Variants in SCUBE1 observed in about 807,000 individuals in gnomAD.
SCUBE1 encodes signal peptide, CUB and EGF-like domain-containing protein 1.
In SCUBE1, 59 loss-of-function variants were observed where a neutral mutation model predicts 124.4. The observed-to-expected ratio is 0.47, with a 90% confidence interval of 0.38 to 0.59. SCUBE1 has a LOEUF of 0.59. SCUBE1 is among the 20% of genes least tolerant of loss of function. The pLI is 0.00. For synonymous variants in SCUBE1, 545 were observed against 550.9 expected (o/e 0.99, Z 0.15); for missense variants, 1,150 against 1,371.2 (o/e 0.84, Z 2.55).
chr22:43,231,654 G>A (rs1922556719), intron 8 of SCUBE1, 99 bp downstream of exon 8: 5 of 1,435,366 alleles, frequency 3.5e-6, no homozygotes, highest in South Asian at 2.5e-5. Flanking sequence ...AGCCCCATCC[G>A]CATTCCCCTC....
chr22:43,241,976 T>C (rs1259823594), intron 6 of SCUBE1, among the ~76,000 whole-genome samples: 2 of 152,230 alleles, frequency 1.3e-5, no homozygotes, highest in African/African-American at 2.4e-5. Flanking sequence ...TGCAGCCTCT[T>C]GCCTGGGGCT....
intron 7 of SCUBE1, among the ~76,000 whole-genome samples, chr22:43,236,226 C>T (rs1922756382): frequency 6.6e-6 from 1 of 152,174 alleles, no homozygotes; most frequent in South Asian, 2.1e-4. Context: ...CTGTGCCTCT[C>T]CAGCCAGGGC....
At chr22:43,290,265 CCTCTCCTCCAAGCACATGTGTCCTGGCT>C (rs1295053464) in intron 4 of SCUBE1, among the ~76,000 whole-genome samples, 23 of 149,486 alleles carry the variant, frequency 1.5e-4, no homozygotes, top group Admixed American at 8.6e-4. Flanking sequence ...GTGTCCTGGC[CCTCTCCTCCAAGCACATGTGTCCTGGCT>C]CTCTCCTCCA....
chr22:43,228,996 G>T, intron 9 of SCUBE1, 76 bp downstream of exon 9: 1 of 1,032,058 alleles, frequency 9.7e-7, no homozygotes, highest in East Asian at 2.6e-5. Context: ...GTTGGGATGC[G>T]GGGTGCAGTG....
rs558474815 is a variant in SCUBE1, at chr22:43,278,141, G to A, written c.484+12905C>T. ...TAAAAAATAATGGGCTGGATTTATT[G>A]TCCCCACCTTGAGGGCCATTCCGGA... On this transcript the variant is annotated intron_variant, in intron 4 of 21. Coordinates refer to ENST00000360835, the MANE Select transcript of SCUBE1 (RefSeq NM_173050.5). Among the ~76,000 whole-genome samples, 3 of 152,350 alleles carry A rather than the reference G, an allele frequency of 2.0e-5. No homozygotes were observed. The South Asian group carries it at 6.2e-4, about 32-fold the overall frequency.
chr22:43,340,042 G>A (rs139079965), intron 1 of SCUBE1, among the ~76,000 whole-genome samples: 1 of 145,348 alleles, frequency 6.9e-6, no homozygotes, highest in Middle Eastern at 3.7e-3. Context: ...CCTTGGAGGA[G>A]TTTAAATCTA....
intron 3 of SCUBE1, among the ~76,000 whole-genome samples, chr22:43,309,686 G>C (rs193151267): frequency 2.6e-5 from 4 of 151,992 alleles, no homozygotes; most frequent in Non-Finnish European, 5.9e-5. Context: ...AGACACCTGA[G>C]TCCTGTACCT....
intron 4 of SCUBE1, among the ~76,000 whole-genome samples, chr22:43,274,049 G>A (rs1569005642): frequency 1.3e-5 from 2 of 151,806 alleles, no homozygotes; most frequent in South Asian, 4.2e-4. Context: ...CCTCTCCCTT[G>A]ATTCCTGAAA....
At chr22:43,322,403 A>T (rs935349719) in intron 2 of SCUBE1, among the ~76,000 whole-genome samples, 3 of 152,144 alleles carry the variant, frequency 2.0e-5, no homozygotes, top group African/African-American at 4.8e-5. Flanking sequence ...TTCCAAAGGT[A>T]CTCCAAAGGC....
At chr22:43,270,742 T>C (rs139036) in intron 4 of SCUBE1, among the ~76,000 whole-genome samples, 64,978 of 152,156 alleles carry the variant, frequency 0.43, 16,884 homozygotes, top group Non-Finnish European at 0.6. Flanking sequence ...GAAACCTGGG[T>C]CTGTCTGACT....
At chr22:43,298,007 C>A (rs1275909282) in intron 3 of SCUBE1, among the ~76,000 whole-genome samples, 2 of 152,228 alleles carry the variant, frequency 1.3e-5, no homozygotes, top group Non-Finnish European at 2.9e-5. Context: ...ACCTCCAGCA[C>A]GGAGAGCTCC....
At position 43,231,954 on chromosome 22, in the gene SCUBE1, C is replaced by A. The variant is rs529146949; in HGVS notation, c.845-79G>T. 3.2e-6 allele frequency: 5 copies of A among 1,561,446 alleles called. No individual in the cohort carries two copies. The Admixed American group carries it at 6.8e-5, about 21-fold the overall frequency. On this transcript the variant is annotated intron_variant, in intron 7 of 21. Transcript: ENST00000360835. Reference sequence around the variant, plus strand: ...GACCAGCGGGGGGACGGCAGGCTAGCGGCAGGGGATGACACTGCCCTGAGT... The same window carrying A: ...GACCAGCGGGGGGACGGCAGGCTAGAGGCAGGGGATGACACTGCCCTGAGT...
At chr22:43,282,617 C>G (rs1256651485) in intron 4 of SCUBE1, 1 of 152,264 alleles carries the variant, frequency 6.6e-6, no homozygotes, top group Non-Finnish European at 1.5e-5. Context: ...ACTCTGGCCC[C>G]TCTGTCTGCT....
At chr22:43,206,902 A>G (rs1379676882) in intron 21 of SCUBE1, among the ~76,000 whole-genome samples, 1 of 151,288 alleles carries the variant, frequency 6.6e-6, no homozygotes, top group Non-Finnish European at 1.5e-5. Context: ...CTGGCAGACT[A>G]TGGGGAGACT....
chr22:43,274,088 G>A (rs139042), intron 4 of SCUBE1, among the ~76,000 whole-genome samples: 126,423 of 151,988 alleles, frequency 0.83, 53,655 homozygotes, highest in Non-Finnish European at 0.92. Flanking sequence ...AGGTGTCACC[G>A]CAATCAAGTT....
At position 43,336,462 on chromosome 22, in the gene SCUBE1, C is replaced by T. The variant is rs534734188; in HGVS notation, c.220+2642G>A. Among the ~76,000 whole-genome samples, 55 of 152,320 alleles carry T rather than the reference C, an allele frequency of 3.6e-4. No homozygotes were observed. In the South Asian group the frequency reaches 8.5e-3, roughly 24 times the overall value. ...TCAGACTAAATGTTTTCTGCAGACCCGCGCTAGTGCCAGGCCCTGCCCCGT... is the reference window on the plus strand; with the variant it reads ...TCAGACTAAATGTTTTCTGCAGACCTGCGCTAGTGCCAGGCCCTGCCCCGT... On this transcript the variant is annotated intron_variant, in intron 2 of 21. Coordinates refer to ENST00000360835, the MANE Select transcript of SCUBE1 (RefSeq NM_173050.5).
rs909399932 is a variant in SCUBE1 at position 43,238,831 on chromosome 22, T to C, written c.844+7A>G. On this transcript the variant is annotated splice_region_variant and intron_variant, in intron 7 of 21. Coordinates refer to ENST00000360835, the MANE Select transcript of SCUBE1 (RefSeq NM_173050.5). Reference sequence around the variant, plus strand: ...GCAGGGGCACCCACACAGCTCCACATGCTGACCTTTGCATGTCTTCCCGTC... The same window carrying C: ...GCAGGGGCACCCACACAGCTCCACACGCTGACCTTTGCATGTCTTCCCGTC... 1.2e-6 allele frequency: 2 copies of C among 1,610,344 alleles called. No homozygotes were observed. The highest frequency in any genetic ancestry group is 1.3e-5 in the African/African-American group (1 of 74,870).
Position 43,221,400 on chromosome 22 carries a change from G to A in SCUBE1, c.1433-111C>T, listed in dbSNP as rs547637866. ...CCATCTGGAGCTGGGGGTGGGGCTTGATCTGAGTCCCTGTGCCCCGACAGC... is the reference window on the plus strand; with the variant it reads ...CCATCTGGAGCTGGGGGTGGGGCTTAATCTGAGTCCCTGTGCCCCGACAGC... On this transcript the variant is annotated intron_variant, in intron 12 of 21. Coordinates refer to ENST00000360835, the MANE Select transcript of SCUBE1 (RefSeq NM_173050.5). The A allele has an allele frequency of 2.7e-4, 184 of 684,896 alleles. 1 individual carries two copies. The East Asian group carries it at 4.6e-3, about 17-fold the overall frequency. 42.4% of individuals were successfully genotyped at this position (684,896 alleles called of 1,614,324 possible). A position where few individuals can be genotyped will look rare whatever the true frequency, so the allele number is the denominator to read the frequency against.
chr22:43,327,046 A>G (rs893587998), intron 2 of SCUBE1, among the ~76,000 whole-genome samples: 1 of 152,172 alleles, frequency 6.6e-6, no homozygotes, highest in Non-Finnish European at 1.5e-5. Context: ...AGCCTCAGAA[A>G]CGAGCAGAGC....
Sources: gnomAD v4.1 joint callset for allele counts (sites outside exome capture counted in the v4.1 genomes callset) on GRCh38, gnomAD v4.1.1 for gene constraint, MANE v1.5 for transcripts, NCBI Gene and HGNC (gene_info 2026-07-23, HGNC 2026-07-21) for gene names.